PITPNA: variants seen among roughly 807,000 people sequenced by gnomAD.
PITPNA encodes phosphatidylinositol transfer protein alpha isoform.
Under a neutral mutation model 50.3 loss-of-function variants are expected in PITPNA, and 13 were observed. That is an observed-to-expected ratio of 0.26 (90% confidence interval 0.17 to 0.41). The LOEUF (loss-of-function observed/expected upper bound fraction) is 0.41, where lower values mean the gene tolerates loss of function less well. PITPNA is among the 10% of genes least tolerant of loss of function. The pLI is 1.00. For missense variants in PITPNA, 207 were observed against 333.4 expected (o/e 0.62, Z 2.95); for synonymous variants, 120 against 119.6 (o/e 1.00, Z -0.02).
At chr17:1,560,453 G>A (rs2075762630) in intron 1 of PITPNA, among the ~76,000 whole-genome samples, 2 of 152,210 alleles carry the variant, frequency 1.3e-5, no homozygotes, top group Non-Finnish European at 1.5e-5. Flanking sequence ...CACGAGTCGG[G>A]CAGGAAGGAA....
chr17:1,527,529 A>G (rs1172804929), intron 10 of PITPNA, among the ~76,000 whole-genome samples: 2 of 152,196 alleles, frequency 1.3e-5, no homozygotes, highest in African/African-American at 2.4e-5. Context: ...GGTGTGAGCC[A>G]CCGTGCCCAG....
At chr17:1,536,356 C>T (rs906769195) in intron 7 of PITPNA, among the ~76,000 whole-genome samples, 9 of 148,860 alleles carry the variant, frequency 6.0e-5, no homozygotes, top group South Asian at 4.3e-4. Context: ...AGCGCGATCT[C>T]GGCTCACTGC....
chr17:1,547,347 C>G (rs2075680454), intron 4 of PITPNA, among the ~76,000 whole-genome samples: 1 of 151,992 alleles, frequency 6.6e-6, no homozygotes, highest in Non-Finnish European at 1.5e-5. Context: ...GCCTGGACAA[C>G]AGAGTGAGAC....
At chr17:1,536,829 G>T (rs1006647896) in intron 7 of PITPNA, among the ~76,000 whole-genome samples, 3 of 151,484 alleles carry the variant, frequency 2.0e-5, no homozygotes, top group Non-Finnish European at 4.4e-5. Flanking sequence ...CTGACCTCAG[G>T]TGATCCACAT....
Position 1,518,219 on chromosome 17 carries a change from G to T in PITPNA, c.*2342C>A, listed in dbSNP as rs1451756733. The T allele has an allele frequency of 2.0e-5, 3 of 152,386 alleles. No individual in the cohort carries two copies. Among genetic ancestry groups the T allele is most frequent in the East Asian group, 3.9e-4 (2 of 5,194 alleles). The allele number at this position is 152,386 out of a possible 1,614,324, so 9.4% of individuals were successfully genotyped here. On this transcript the variant is annotated 3_prime_UTR_variant, in exon 12 of 12. Transcript: ENST00000313486. The stretch of plus-strand genomic sequence containing the variant: ...TACACATGCCCACGATACTGACCCT[G>T]TCCCGGACCTCTCTGCATGAGAAGG...
At chr17:1,543,959 G>C (rs1016319940) in intron 4 of PITPNA, among the ~76,000 whole-genome samples, 1 of 152,234 alleles carries the variant, frequency 6.6e-6, no homozygotes, top group Non-Finnish European at 1.5e-5. Context: ...CTCGTCAGCA[G>C]AAATTCTCCT....
chr17:1,532,036 T>C (rs1043567665), intron 10 of PITPNA, among the ~76,000 whole-genome samples: 2 of 152,178 alleles, frequency 1.3e-5, no homozygotes. Flanking sequence ...AGGACAGTGA[T>C]CACCTAAGCT....
intron 10 of PITPNA, among the ~76,000 whole-genome samples, chr17:1,530,836 A>G (rs2075577590): frequency 6.6e-6 from 1 of 152,238 alleles, no homozygotes; most frequent in South Asian, 2.1e-4. Flanking sequence ...GAGCAGCAAA[A>G]GCTGAACCTA....
At chr17:1,538,422 T>C (rs78834208) in intron 7 of PITPNA, 6,751 of 158,874 alleles carry the variant, frequency 0.042, 520 homozygotes, top group African/African-American at 0.15. Context: ...GCCACCGACT[T>C]CTGGAGGGCA....
intron 10 of PITPNA, among the ~76,000 whole-genome samples, chr17:1,525,683 T>A (rs2075543499): frequency 6.6e-6 from 1 of 152,066 alleles, no homozygotes; most frequent in Non-Finnish European, 1.5e-5. Context: ...CATGCCTGGC[T>A]AATTTTCTAT....
intron 7 of PITPNA, chr17:1,535,751 T>C: frequency 5.5e-6 from 3 of 548,252 alleles, no homozygotes; most frequent in Non-Finnish European, 9.9e-6. Flanking sequence ...AGTGTGAAAG[T>C]ATCACCAGAC....
intron 7 of PITPNA, among the ~76,000 whole-genome samples, chr17:1,537,943 G>C (rs1480459922): frequency 5.3e-5 from 8 of 152,078 alleles, no homozygotes. Flanking sequence ...TGGGATTACA[G>C]GCACGTACCA....
chr17:1,544,397 A>G (rs1010493608), intron 4 of PITPNA, among the ~76,000 whole-genome samples: 24 of 152,150 alleles, frequency 1.6e-4, no homozygotes, highest in African/African-American at 5.8e-4. Flanking sequence ...AGACAGATCC[A>G]CTCAGTTCTG....
chr17:1,536,011 T>G (rs563527610), intron 7 of PITPNA, among the ~76,000 whole-genome samples: 1 of 152,236 alleles, frequency 6.6e-6, no homozygotes, highest in Non-Finnish European at 1.5e-5. Context: ...AATCTTCCAG[T>G]GCAATCTCCC....
chr17:1,522,748 T>G (rs1455452721), intron 10 of PITPNA, among the ~76,000 whole-genome samples: 1 of 152,212 alleles, frequency 6.6e-6, no homozygotes, highest in Non-Finnish European at 1.5e-5. Flanking sequence ...ACAGACCAGT[T>G]CTCTCCTCAA....
chr17:1,560,840 G>A (rs939712789), intron 1 of PITPNA, among the ~76,000 whole-genome samples: 20 of 152,168 alleles, frequency 1.3e-4, no homozygotes, highest in Admixed American at 1.2e-3. Context: ...GAGGGGATGA[G>A]GCCTCAAAAT....
chr17:1,551,007 TGCGGGGCGGA>T (rs1286036234), intron 3 of PITPNA, among the ~76,000 whole-genome samples: 34 of 147,782 alleles, frequency 2.3e-4, no homozygotes, highest in Non-Finnish European at 4.6e-4. Flanking sequence ...GTGAGAGTGT[TGCGGGGCGGA>T]GTCAGCGGGA....
chr17:1,561,150 C>CAT (rs200147462), intron 1 of PITPNA: 3 of 152,186 alleles, frequency 2.0e-5, no homozygotes, highest in African/African-American at 7.3e-5. Flanking sequence ...CACACACACA[C>CAT]CCATCCTATC....
chr17:1,555,531 T>G (rs1171967336), intron 2 of PITPNA, among the ~76,000 whole-genome samples: 1 of 152,148 alleles, frequency 6.6e-6, no homozygotes, highest in African/African-American at 2.4e-5. Flanking sequence ...GAATCTAGCC[T>G]CCTCAGACCT....
Sources: allele counts gnomAD v4.1 joint callset (sites outside exome capture counted in the v4.1 genomes callset), GRCh38; gene constraint gnomAD v4.1.1; transcripts MANE v1.5; gene names NCBI Gene and HGNC (gene_info 2026-07-23, HGNC 2026-07-21).